The following PTPRN2 variants were observed in gnomAD, a reference collection of about 807,000 sequenced individuals.
The protein encoded by PTPRN2 is protein tyrosine phosphatase receptor type N2.
Under a neutral mutation model 118.8 loss-of-function variants are expected in PTPRN2, and 74 were observed. That is an observed-to-expected ratio of 0.62 (90% CI 0.52 to 0.76). The LOEUF is 0.76. Ranked by LOEUF, PTPRN2 falls within the 30% of genes least tolerant of loss-of-function variation. PTPRN2 has a pLI of 0.00. For synonymous variants in PTPRN2, 641 were observed against 608.0 expected (o/e 1.05, Z -0.80); for missense variants, 1,481 against 1,394.4 (o/e 1.06, Z -0.99).
chr7:158,100,432 G>A (rs939320774), intron 10 of PTPRN2, among the ~76,000 whole-genome samples: 2 of 152,202 alleles, frequency 1.3e-5, no homozygotes. Flanking sequence ...CAGTGGGATT[G>A]CTGAATCAAA....
rs2151308814 is a variant in PTPRN2 at position 157,893,170 on chromosome 7, G to A, written c.1788+5503C>T. Among the ~76,000 whole-genome samples the A allele has an allele frequency of 6.6e-6, 1 of 152,350 alleles. No individual in the cohort carries two copies. The highest frequency in any genetic ancestry group is 2.4e-5 in the African/African-American group (1 of 41,582). ...AGGTCAGGGTGAATGAGCTCCTTGT[G>A]GCCAGATCGTAACCAGTGGGTGAAA... On this transcript the variant is annotated intron_variant, in intron 12 of 22. Transcript: ENST00000389418. This position sits in a 1 kb window ranked among gnomAD's most constrained non-coding sequence, Gnocchi z 4.0.
chr7:157,745,496 G>C (rs1000151507), intron 12 of PTPRN2, among the ~76,000 whole-genome samples: 2 of 147,348 alleles, frequency 1.4e-5, no homozygotes, highest in African/African-American at 5.0e-5. Context: ...GAGGCAGGCT[G>C]GGGGAGAGGG....
chr7:157,986,665 T>G lies in PTPRN2; in HGVS notation c.1724-87928A>C, dbSNP rs936063324. ...ACCACGGTTTGATATTAGGACTGCT[T>G]GATTCAAGCCAATAGTGCTAAATTA... On this transcript the variant is annotated intron_variant, in intron 11 of 22. Coordinates refer to ENST00000389418, the MANE Select transcript of PTPRN2 (RefSeq NM_002847.5). The surrounding 1 kb of genome is among the most constrained non-coding windows in gnomAD (Gnocchi z 4.5). 2.6e-5 allele frequency among the ~76,000 whole-genome samples: 4 copies of G among 152,224 alleles called. No homozygotes were observed. Among genetic ancestry groups the G allele is most frequent in the African/African-American group, 9.6e-5 (4 of 41,462 alleles).
rs376313230 is a variant in PTPRN2, at chr7:157,682,692, C to T, written c.2001+33G>A. 6.3e-5 allele frequency: 99 copies of T among 1,575,572 alleles called. No individual in the cohort carries two copies. In the African/African-American group the frequency reaches 1.1e-3, roughly 18 times the overall value. ...CATCTGCCTGTTCAACAGATAAATC[C>T]GATATACCACTTTTTAAAAAGTCTC... On this transcript the variant is annotated intron_variant, in intron 13 of 22. Coordinates refer to ENST00000389418, the MANE Select transcript of PTPRN2 (RefSeq NM_002847.5).
Position 158,566,066 on chromosome 7 carries a change from A to T in PTPRN2, c.112+21492T>A, listed in dbSNP as rs1208492871. Among the ~76,000 whole-genome samples, 8 of 152,188 alleles carry T rather than the reference A, an allele frequency of 5.3e-5. No individual in the cohort carries two copies. The East Asian group carries it at 1.5e-3, about 29-fold the overall frequency. ...TATCCACTGACATCAGAAGTGGCCA[A>T]GCTTGGCCGGGCGCAGTGGCTAACA... is the stretch of plus-strand genomic sequence containing the variant. On this transcript the variant is annotated intron_variant, in intron 1 of 22. Transcript: ENST00000389418.
chr7:157,963,664 G>C lies in PTPRN2; in HGVS notation c.1724-64927C>G, dbSNP rs59350685. On this transcript the variant is annotated intron_variant, in intron 11 of 22. Coordinates refer to ENST00000389418, the MANE Select transcript of PTPRN2 (RefSeq NM_002847.5). Reference sequence around the variant, plus strand: ...TCGGGCCTGGGAGAGAAGTCTGCAGGGGGGAGATCTGTGGTCATGCCCTCA... The same window carrying C: ...TCGGGCCTGGGAGAGAAGTCTGCAGCGGGGAGATCTGTGGTCATGCCCTCA... Among the ~76,000 whole-genome samples the C allele has an allele frequency of 9.6e-3, 1,463 of 152,318 alleles. 20 individuals carry two copies. The highest frequency in any genetic ancestry group is 0.033 in the African/African-American group (1,372 of 41,574).
At chr7:158,196,985 T>C (rs1826259208) in intron 4 of PTPRN2, among the ~76,000 whole-genome samples, 1 of 152,138 alleles carries the variant, frequency 6.6e-6, no homozygotes, top group African/African-American at 2.4e-5. Context: ...GAGGTAGATA[T>C]GAGTCAAGGA....
intron 11 of PTPRN2, among the ~76,000 whole-genome samples, chr7:158,014,359 C>T (rs1000024988): frequency 6.6e-6 from 1 of 151,378 alleles, no homozygotes; most frequent in Non-Finnish European, 1.5e-5. Flanking sequence ...ACCCACACAC[C>T]CATACATCCA....
intron 2 of PTPRN2, among the ~76,000 whole-genome samples, chr7:158,365,899 G>GCACA (rs140043303): frequency 1.0e-4 from 11 of 108,490 alleles, no homozygotes; most frequent in South Asian, 3.3e-4. Context: ...ATGCACGCGT[G>GCACA]CACACACACA....
chr7:158,214,912 G>A (rs1198282326), intron 3 of PTPRN2, among the ~76,000 whole-genome samples: 9 of 152,124 alleles, frequency 5.9e-5, no homozygotes, highest in African/African-American at 2.2e-4. Context: ...AAAATGCAAG[G>A]TTTAAATGAG....
intron 5 of PTPRN2, among the ~76,000 whole-genome samples, chr7:158,173,454 T>C (rs1163484842): frequency 1.3e-5 from 2 of 151,952 alleles, no homozygotes; most frequent in Non-Finnish European, 2.9e-5. Context: ...GGTGTACAAA[T>C]AGGGAGTAGG....
intron 4 of PTPRN2, among the ~76,000 whole-genome samples, chr7:158,203,062 T>C (rs1236499375): frequency 2.0e-5 from 3 of 151,428 alleles, no homozygotes; most frequent in Non-Finnish European, 2.9e-5. Context: ...CAAAACCCCA[T>C]CTCTACTAAA....
intron 3 of PTPRN2, among the ~76,000 whole-genome samples, chr7:158,296,010 A>G (rs1467377077): frequency 2.6e-5 from 4 of 152,314 alleles, no homozygotes; most frequent in African/African-American, 9.6e-5. Context: ...CTGATATGGG[A>G]GATGGGCAGG....
At chr7:158,413,138 G>A (rs914357375) in intron 2 of PTPRN2, among the ~76,000 whole-genome samples, 4 of 151,774 alleles carry the variant, frequency 2.6e-5, no homozygotes, top group East Asian at 3.9e-4. Flanking sequence ...CCCATCCAGC[G>A]CCCTCCTCAA....
intron 15 of PTPRN2, among the ~76,000 whole-genome samples, chr7:157,606,576 C>A (rs1437362887): frequency 6.6e-6 from 1 of 152,246 alleles, no homozygotes; most frequent in African/African-American, 2.4e-5. Flanking sequence ...AACAAAAGCA[C>A]CCTCGCTGGA....
chr7:157,977,874 C>T lies in PTPRN2; in HGVS notation c.1724-79137G>A, dbSNP rs544668618. On this transcript the variant is annotated intron_variant, in intron 11 of 22. Coordinates refer to ENST00000389418, the MANE Select transcript of PTPRN2 (RefSeq NM_002847.5). This position sits in a 1 kb window ranked among gnomAD's most constrained non-coding sequence, Gnocchi z 4.6. ...GACTGGTGGCAGCTGGGACAAGAGT[C>T]GTGGCTGAGGAGGAGGGAAGGAGGT... is the stretch of plus-strand genomic sequence containing the variant. Among the ~76,000 whole-genome samples the T allele has an allele frequency of 1.3e-5, 2 of 151,762 alleles. No individual in the cohort carries two copies. Among genetic ancestry groups the T allele is most frequent in the East Asian group, 1.9e-4 (1 of 5,168 alleles).
At chr7:157,882,104 C>CGA (rs1796163895) in intron 12 of PTPRN2, among the ~76,000 whole-genome samples, 2 of 151,614 alleles carry the variant, frequency 1.3e-5, no homozygotes, top group Non-Finnish European at 2.9e-5. Flanking sequence ...AAATGACTGT[C>CGA]ATACATCAGC....
intron 22 of PTPRN2, among the ~76,000 whole-genome samples, chr7:157,545,674 T>C (rs147752895): frequency 4.6e-5 from 7 of 152,126 alleles, no homozygotes; most frequent in African/African-American, 1.7e-4. Context: ...TGGTGAAACA[T>C]TTTCTATTCG....
At chr7:158,034,452 C>T in intron 11 of PTPRN2, among the ~76,000 whole-genome samples, 1 of 152,218 alleles carries the variant, frequency 6.6e-6, no homozygotes. Flanking sequence ...ATAGGTCTCA[C>T]AAGATCTGGT....
Sources: allele counts gnomAD v4.1 joint callset (sites outside exome capture counted in the v4.1 genomes callset), GRCh38; gene constraint gnomAD v4.1.1; non-coding constraint Gnocchi (gnomAD v3.1); transcripts MANE v1.5; gene names NCBI Gene and HGNC (gene_info 2026-07-23, HGNC 2026-07-21).